Variants in VWF observed in about 807,000 individuals in gnomAD.
VWF encodes von Willebrand factor.
In VWF, 176 loss-of-function variants were observed where a neutral mutation model predicts 308.6. The ratio of observed to expected loss-of-function variants is 0.57; its 90% CI spans 0.50 to 0.65. The LOEUF (loss-of-function observed/expected upper bound fraction) is 0.65. Among genes scored for constraint, VWF ranks in the 30% least tolerant of loss-of-function variants. VWF has a pLI of 0.00. For synonymous variants in VWF, 1,385 were observed against 1,443.4 expected (o/e 0.96, Z 0.92); for missense variants, 3,146 against 3,648.2 (o/e 0.86, Z 3.55).
chr12:6,077,637 G>A (rs376174925), intron 6 of VWF, among the ~76,000 whole-genome samples: 2 of 152,194 alleles, frequency 1.3e-5, no homozygotes, highest in East Asian at 3.8e-4. Context: ...AGTCCCAGAC[G>A]GCCTGTTGGG....
chr12:6,000,526 A>T (rs1943859115), intron 34 of VWF, among the ~76,000 whole-genome samples: 1 of 152,034 alleles, frequency 6.6e-6, no homozygotes, highest in Non-Finnish European at 1.5e-5. Flanking sequence ...TCTACTAGAG[A>T]CCCAGGCGCG....
rs545373042 is a variant in VWF, at chr12:6,063,986, C to T, written c.1432+260G>A. On this transcript the variant is annotated intron_variant, in intron 12 of 51. Transcript: ENST00000261405. This position sits in a 1 kb window ranked among gnomAD's most constrained non-coding sequence, Gnocchi z 4.9. ...ATAAAAATCCTCTCGGTTCCCTTTT[C>T]CCATCTACACTCTGTCCCAGGTCTA... Among the ~76,000 whole-genome samples the T allele has an allele frequency of 3.9e-5, 6 of 152,124 alleles. No homozygotes were observed. Among genetic ancestry groups the T allele is most frequent in the African/African-American group, 1.4e-4 (6 of 41,482 alleles).
Position 6,044,378 on chromosome 12 carries a change from C to A in VWF, c.2355G>T (p.Gly785=), listed in dbSNP as rs1944424593. 2.5e-6 allele frequency: 4 copies of A among 1,614,204 alleles called. No homozygotes were observed. The East Asian group carries it at 6.7e-5, about 27-fold the overall frequency. Residue 785 remains glycine, a synonymous_variant, in exon 18 of 52, where the codon GGG becomes GGT. Transcript: ENST00000261405. Reference sequence around the variant, plus strand: ...TCTGGCACGTTTTGGTACACTCGAGCCCTTCAGCCCGCAGGTTGTCAGCGG... The same window carrying A: ...TCTGGCACGTTTTGGTACACTCGAGACCTTCAGCCCGCAGGTTGTCAGCGG... ...VCPADNLRAE[G]LECTKTCQNY...
Position 6,009,426 on chromosome 12 carries a change from AACACACACACAC to A in VWF, c.5842+2179_5842+2190del, listed in dbSNP as rs3062550. Among the ~76,000 whole-genome samples the A allele has an allele frequency of 1.4e-3, 199 of 146,628 alleles. 2 individuals are homozygous for A. Among genetic ancestry groups the A allele is most frequent in the Middle Eastern group, 6.8e-3 (2 of 292 alleles). On this transcript the variant is annotated intron_variant, in intron 34 of 51. Transcript: ENST00000261405. The stretch of plus-strand genomic sequence containing the variant: ...ATACGTGCTAGAATGGCCATTATCA[AACACACACACAC>A]ACACACACACACACACACACACACA...
At chr12:6,047,480 G>A (rs1591882846) in intron 16 of VWF, among the ~76,000 whole-genome samples, 1 of 152,274 alleles carries the variant, frequency 6.6e-6, no homozygotes, top group South Asian at 2.1e-4. Flanking sequence ...GATCATCCCT[G>A]CCACTGTCTT....
chr12:5,994,319 C>A (rs1245804267), intron 36 of VWF, 96 bp downstream of exon 36: 19 of 1,592,118 alleles, frequency 1.2e-5, no homozygotes, highest in East Asian at 2.2e-5. Context: ...CGCTACTAGA[C>A]CCTGAAATAT....
At chr12:5,965,769 C>T (rs1318786600) in intron 47 of VWF, among the ~76,000 whole-genome samples, 1 of 152,114 alleles carries the variant, frequency 6.6e-6, no homozygotes, top group Non-Finnish European at 1.5e-5. Flanking sequence ...TGGCAGAAGA[C>T]GTAGTAAGAC....
rs746935989 is a variant in VWF, at chr12:6,052,653, C to G, written c.2076G>C (p.Gly692=). 2 of 1,614,270 alleles carry G rather than the reference C, an allele frequency of 1.2e-6. No individual in the cohort carries two copies. The highest frequency in any genetic ancestry group is 1.7e-6 in the Non-Finnish European group (2 of 1,180,048). ...ACLEGCFCPP[G]LYMDERGDCV... is the part of the protein sequence containing the mutation. ...AGTCCCCCCTCTCATCCATGTAGAG[C>G]CCTGGGGGGCAGAAGCAGCCCTCCA... Residue 692 remains glycine, a synonymous_variant, in exon 16 of 52, where the codon GGG becomes GGC. Transcript: ENST00000261405.
intron 21 of VWF, 144 bp downstream of exon 21, chr12:6,031,300 A>T: frequency 7.3e-7 from 1 of 1,369,914 alleles, no homozygotes; most frequent in Non-Finnish European, 1.0e-6. Context: ...CGTCACGGTC[A>T]GTTGCAATAG....
intron 10 of VWF, among the ~76,000 whole-genome samples, chr12:6,068,297 C>G (rs759995439): frequency 6.6e-6 from 1 of 152,026 alleles, no homozygotes; most frequent in East Asian, 1.9e-4. Context: ...GCCCTGGACG[C>G]GGCTGCCCTG....
rs1444535183 is a variant in VWF, at chr12:6,057,906, C to T, written c.1672G>A (p.Asp558Asn). ...DFGNAWKLHGDCQDLQKQHSD... is the reference protein window; with the variant it reads ...DFGNAWKLHGNCQDLQKQHSD... Reference sequence around the variant, plus strand: ...TGCTGCTTCTGCAGGTCCTGGCAGTCCCCGTGCAGCTTCCAGGCGTTCCCG... The same window carrying T: ...TGCTGCTTCTGCAGGTCCTGGCAGTTCCCGTGCAGCTTCCAGGCGTTCCCG... Residue 558 changes from aspartate (D) to asparagine (N), a missense_variant, in exon 14 of 52, where the codon GAC becomes AAC. This residue lies in a region of VWF where 1,304 missense variants were observed against 1,353.0 expected (regional missense o/e 0.96). Coordinates refer to ENST00000261405, the MANE Select transcript of VWF (RefSeq NM_000552.5). 2.5e-6 allele frequency: 4 copies of T among 1,612,942 alleles called. No individual in the cohort carries two copies. Among genetic ancestry groups the T allele is most frequent in the East Asian group, 2.2e-5 (1 of 44,870 alleles).
intron 6 of VWF, among the ~76,000 whole-genome samples, chr12:6,078,588 C>A (rs1316504392): frequency 6.6e-6 from 1 of 152,222 alleles, no homozygotes; most frequent in Non-Finnish European, 1.5e-5. Flanking sequence ...AAAATGCACT[C>A]CCTGGGGTTT....
At position 6,058,216 on chromosome 12, in the gene VWF, G is replaced by A. The variant is rs1342299053; in HGVS notation, c.1534-172C>T. Among the ~76,000 whole-genome samples the A allele has an allele frequency of 2.0e-5, 3 of 152,192 alleles. No homozygotes were observed. Among genetic ancestry groups the A allele is most frequent in the Admixed American group, 1.3e-4 (2 of 15,288 alleles). On this transcript the variant is annotated intron_variant, in intron 13 of 51. Transcript: ENST00000261405. This position sits in a 1 kb window ranked among gnomAD's most constrained non-coding sequence, Gnocchi z 4.9. Reference sequence around the variant, plus strand: ...GCTGCAAAAGGGGGGGCGGGGGAAAGTGAACTGCAGTGTAAATTTACCAGC... The same window carrying A: ...GCTGCAAAAGGGGGGGCGGGGGAAAATGAACTGCAGTGTAAATTTACCAGC...
Position 6,071,282 on chromosome 12 carries a change from C to A in VWF, c.1156+15G>T. On this transcript the variant is annotated intron_variant, in intron 10 of 51. Coordinates refer to ENST00000261405, the MANE Select transcript of VWF (RefSeq NM_000552.5). ...TTCAGGGAAGGAGGAAGAGAATGAG[C>A]GGCAGGTCGCCTACCTGGACATTCT... 6.2e-7 allele frequency: 1 copy of A among 1,613,872 alleles called. No homozygotes were observed. The highest frequency in any genetic ancestry group is 8.5e-7 in the Non-Finnish European group (1 of 1,179,938).
In VWF at chr12:6,011,919, C is replaced by T. The variant is rs7961414; in HGVS notation, c.5665-125G>A. ...CTACACAGCAAGGAGGCCCCCTGTA[C>T]ATGAGACAGGAAGCAAAACACAAGA... On this transcript the variant is annotated intron_variant, in intron 33 of 51. Coordinates refer to ENST00000261405, the MANE Select transcript of VWF (RefSeq NM_000552.5). 580 of 1,207,146 alleles carry T rather than the reference C, an allele frequency of 4.8e-4. 3 individuals carry two copies. In the African/African-American group the frequency reaches 5.0e-3, roughly 10 times the overall value. The allele number at this position is 1,207,146 out of a possible 1,614,324, so 74.8% of individuals were successfully genotyped here. A position where few individuals can be genotyped will look rare whatever the true frequency, so the allele number is the denominator to read the frequency against.
chr12:6,117,860 G>T (rs1945385622), intron 3 of VWF, among the ~76,000 whole-genome samples: 1 of 152,190 alleles, frequency 6.6e-6, no homozygotes, highest in African/African-American at 2.4e-5. Flanking sequence ...CAGCACAACT[G>T]CCCTCGGAAC....
intron 34 of VWF, among the ~76,000 whole-genome samples, chr12:6,010,834 T>C (rs1194324854): frequency 6.6e-6 from 1 of 152,242 alleles, no homozygotes; most frequent in Non-Finnish European, 1.5e-5. Context: ...TTCAAAGTTT[T>C]GATTATTACG....
chr12:6,088,103 G>T (rs1944992733), intron 6 of VWF, among the ~76,000 whole-genome samples: 1 of 152,194 alleles, frequency 6.6e-6, no homozygotes, highest in African/African-American at 2.4e-5. Flanking sequence ...CATTGTAGAG[G>T]TATATACATG....
intron 36 of VWF, 55 bp from the exon 37 acceptor site, chr12:5,994,258 A>G: frequency 6.2e-7 from 1 of 1,606,724 alleles, no homozygotes; most frequent in Non-Finnish European, 8.5e-7. Flanking sequence ...GGGTACAAAA[A>G]CATTGATGCC....
Sources: gnomAD v4.1 joint callset for allele counts (sites outside exome capture counted in the v4.1 genomes callset) on GRCh38, gnomAD v4.1.1 for gene constraint, gnomAD v4.1.1 regional missense constraint, Gnocchi (gnomAD v3.1) non-coding constraint, MANE v1.5 for transcripts, NCBI Gene and HGNC (gene_info 2026-07-23, HGNC 2026-07-21) for gene names.